The following GRIK4 variants were observed in gnomAD, a reference collection of about 807,000 sequenced individuals.
GRIK4 encodes glutamate ionotropic receptor kainate type subunit 4.
Under a neutral mutation model 104.9 loss-of-function variants are expected in GRIK4, and 40 were observed. The ratio of observed to expected loss-of-function variants is 0.38; its 90% CI spans 0.30 to 0.50. GRIK4 has a LOEUF of 0.50. Ranked by LOEUF, GRIK4 falls within the 20% of genes least tolerant of loss-of-function variation. GRIK4 has a pLI of 0.93. For missense variants in GRIK4, 1,047 were observed against 1,308.1 expected (o/e 0.80, Z 3.08); for synonymous variants, 485 against 524.9 (o/e 0.92, Z 1.04).
chr11:120,796,320 C>T lies in GRIK4; in HGVS notation c.83-6373C>T, dbSNP rs138411268. Among the ~76,000 whole-genome samples the T allele has an allele frequency of 8.0e-3, 1,222 of 152,270 alleles. 13 individuals carry two copies. Among genetic ancestry groups the T allele is most frequent in the African/African-American group, 0.028 (1,172 of 41,536 alleles). On this transcript the variant is annotated intron_variant, in intron 3 of 20. Coordinates refer to ENST00000527524, the MANE Select transcript of GRIK4 (RefSeq NM_014619.5). ...AAAGTGCTGGGATTACAGGCGTGAG[C>T]CATCGTGCCTGGCCTTTTCCTGAAT...
At chr11:120,624,651 G>A (rs937369956) in intron 1 of GRIK4, among the ~76,000 whole-genome samples, 3 of 152,152 alleles carry the variant, frequency 2.0e-5, no homozygotes, top group Non-Finnish European at 4.4e-5. Flanking sequence ...CTCGTACCCT[G>A]CCGCGGAGTC....
intron 3 of GRIK4, among the ~76,000 whole-genome samples, chr11:120,670,768 C>T (rs908707662): frequency 1.3e-5 from 2 of 152,030 alleles, no homozygotes; most frequent in Admixed American, 6.6e-5. Context: ...AGGTTTGTTA[C>T]ATAGATATAC....
chr11:120,514,249 T>C (rs1345004589), intron 1 of GRIK4, among the ~76,000 whole-genome samples: 3 of 152,150 alleles, frequency 2.0e-5, no homozygotes, highest in Non-Finnish European at 4.4e-5. Context: ...ATCCCTTATG[T>C]GTGTATGGGG....
At chr11:120,912,310 A>G (rs1412142462) in intron 13 of GRIK4, among the ~76,000 whole-genome samples, 1 of 152,206 alleles carries the variant, frequency 6.6e-6, no homozygotes, top group Non-Finnish European at 1.5e-5. Context: ...GACGTTCAGC[A>G]GAGAGTTGGC....
At chr11:120,891,214 A>G (rs1412263184) in intron 11 of GRIK4, among the ~76,000 whole-genome samples, 1 of 152,192 alleles carries the variant, frequency 6.6e-6, no homozygotes, top group Non-Finnish European at 1.5e-5. Context: ...GGACTGGTCT[A>G]TAGGAAAGGG....
At chr11:120,538,241 C>T (rs957487548) in intron 1 of GRIK4, among the ~76,000 whole-genome samples, 9 of 152,204 alleles carry the variant, frequency 5.9e-5, no homozygotes, top group Admixed American at 2.0e-4. Context: ...ATCACTTGGG[C>T]GTCAGGGCAG....
intron 3 of GRIK4, among the ~76,000 whole-genome samples, chr11:120,743,459 G>A (rs1375042830): frequency 6.6e-6 from 1 of 152,166 alleles, no homozygotes; most frequent in East Asian, 1.9e-4. Flanking sequence ...GAGTGGAAAA[G>A]ATAACTCTTG....
intron 8 of GRIK4, among the ~76,000 whole-genome samples, chr11:120,855,789 C>G (rs1366960897): frequency 6.6e-6 from 1 of 152,250 alleles, no homozygotes; most frequent in African/African-American, 2.4e-5. Flanking sequence ...TCCCGGACTC[C>G]TGACTCCAGG....
intron 3 of GRIK4, among the ~76,000 whole-genome samples, chr11:120,758,172 G>A (rs377754401): frequency 8.5e-5 from 13 of 152,240 alleles, no homozygotes; most frequent in African/African-American, 2.9e-4. Context: ...AGAACAGTGG[G>A]TGCAAGACCC....
At position 120,988,501 on chromosome 11, in the gene GRIK4, G is replaced by C. The variant is rs896084316; in HGVS notation, c.*2241G>C. The C allele has an allele frequency of 6.6e-6, 1 of 152,164 alleles. No individual in the cohort carries two copies. The highest frequency in any genetic ancestry group is 1.5e-5 in the Non-Finnish European group (1 of 68,030). The allele number at this position is 152,164 out of a possible 1,614,324, so 9.4% of individuals were successfully genotyped here. A position where few individuals can be genotyped will look rare whatever the true frequency, so the allele number is the denominator to read the frequency against. Reference sequence around the variant, plus strand: ...TTTTTAATGGATTAGTGAAATAAATGTCCCCATGCATCATTTATAGTCTGT... The same window carrying C: ...TTTTTAATGGATTAGTGAAATAAATCTCCCCATGCATCATTTATAGTCTGT... On this transcript the variant is annotated 3_prime_UTR_variant, in exon 21 of 21. Transcript: ENST00000527524.
At chr11:120,650,830 C>T (rs1315324204) in intron 1 of GRIK4, among the ~76,000 whole-genome samples, 3 of 152,120 alleles carry the variant, frequency 2.0e-5, no homozygotes, top group African/African-American at 4.8e-5. Context: ...ATCTTTTGGC[C>T]GCAAAAGCAC....
At chr11:120,920,701 G>A (rs1177600028) in intron 13 of GRIK4, among the ~76,000 whole-genome samples, 1 of 152,150 alleles carries the variant, frequency 6.6e-6, no homozygotes, top group Non-Finnish European at 1.5e-5. Flanking sequence ...GCACCCACTA[G>A]TCCTCTTGGG....
At chr11:120,800,196 C>T (rs1394049052) in intron 3 of GRIK4, among the ~76,000 whole-genome samples, 1 of 152,112 alleles carries the variant, frequency 6.6e-6, no homozygotes, top group East Asian at 1.9e-4. Flanking sequence ...CCCACATCAA[C>T]TCTTAGGTGG....
At chr11:120,598,326 C>T (rs1261794999) in intron 1 of GRIK4, among the ~76,000 whole-genome samples, 1 of 152,190 alleles carries the variant, frequency 6.6e-6, no homozygotes, top group African/African-American at 2.4e-5. Context: ...GAGTTAGTGT[C>T]TTGCCCAAGG....
chr11:120,861,935 A>G, intron 8 of GRIK4, 24 bp from the exon 9 acceptor site: 1 of 1,596,864 alleles, frequency 6.3e-7, no homozygotes, highest in Non-Finnish European at 8.6e-7. Context: ...CTACATTCTT[A>G]TTTCTGATGC....
intron 13 of GRIK4, among the ~76,000 whole-genome samples, chr11:120,915,972 G>A (rs376150803): frequency 1.1e-4 from 16 of 152,304 alleles, no homozygotes; most frequent in African/African-American, 2.2e-4. Context: ...CACCAAAGGG[G>A]CATGTGAGAA....
At chr11:120,667,444 C>T (rs73580417) in intron 3 of GRIK4, among the ~76,000 whole-genome samples, 2,139 of 152,380 alleles carry the variant, frequency 0.014, 50 homozygotes, top group African/African-American at 0.048. Flanking sequence ...CAGCCGAGTG[C>T]CTGCGTGGGC....
chr11:120,656,334 G>C (rs755068831), intron 2 of GRIK4, among the ~76,000 whole-genome samples: 7 of 152,188 alleles, frequency 4.6e-5, no homozygotes, highest in African/African-American at 1.7e-4. Flanking sequence ...AGCTAGTCAT[G>C]TATCTTTTCT....
intron 13 of GRIK4, among the ~76,000 whole-genome samples, chr11:120,922,120 G>A (rs2134571301): frequency 1.3e-5 from 2 of 152,282 alleles, no homozygotes; most frequent in South Asian, 4.2e-4. Context: ...GATAGTACTA[G>A]CCTCATTACT....
Sources: gnomAD v4.1 joint callset for allele counts (sites outside exome capture counted in the v4.1 genomes callset) on GRCh38, gnomAD v4.1.1 for gene constraint, MANE v1.5 for transcripts, NCBI Gene and HGNC (gene_info 2026-07-23, HGNC 2026-07-21) for gene names.